Variants in MBOAT2 observed in about 807,000 individuals in gnomAD.
MBOAT2 encodes the protein membrane-bound glycerophospholipid O-acyltransferase 2.
Under a neutral mutation model 63.4 loss-of-function variants are expected in MBOAT2, and 28 were observed. The observed-to-expected ratio is 0.44, with a 90% CI of 0.33 to 0.61. MBOAT2 has a LOEUF of 0.61. MBOAT2 is among the 20% of genes least tolerant of loss of function. The pLI, the probability that MBOAT2 is intolerant of heterozygous loss-of-function variation, is 0.03. For synonymous variants in MBOAT2, 211 were observed against 215.6 expected, an observed-to-expected ratio of 0.98 and a Z score of 0.19; for missense variants, 470 against 605.8, an observed-to-expected ratio of 0.78 and a Z score of 2.35.
rs993564179 is a variant in MBOAT2, at chr2:8,858,787, C to T, written c.1455G>A (p.Lys485=). The T allele has an allele frequency of 4.3e-6, 7 of 1,614,006 alleles. No homozygotes were observed. The highest frequency in any genetic ancestry group is 1.7e-5 in the Admixed American group (1 of 60,004). The change falls in exon 13 of 13, where the codon AAG becomes AAA. Residue 485 remains lysine, a synonymous_variant. Coordinates refer to ENST00000305997, the MANE Select transcript of MBOAT2 (RefSeq NM_138799.4). The part of the protein sequence containing the change: ...HENIQLSQSK[K]FDEGENSLGQ... ...CCAAAGAATTTTCTCCTTCATCAAA[C>T]TTTTTGGATTGTGAGAGCTGAATGT...
intron 3 of MBOAT2, among the ~76,000 whole-genome samples, chr2:8,912,366 A>G (rs2148594086): frequency 1.1e-5 from 1 of 94,306 alleles, no homozygotes; most frequent in South Asian, 3.4e-4. Flanking sequence ...AGAAAGAAAG[A>G]AAGAAAGAGA....
chr2:8,931,801 C>T (rs957722496), intron 3 of MBOAT2, among the ~76,000 whole-genome samples: 2 of 152,082 alleles, frequency 1.3e-5, no homozygotes, highest in East Asian at 1.9e-4. Context: ...ATTTTTTGCA[C>T]ATGGCTAGCC....
At chr2:8,895,198 G>T (rs1436962083) in intron 4 of MBOAT2, among the ~76,000 whole-genome samples, 2 of 152,196 alleles carry the variant, frequency 1.3e-5, no homozygotes, top group Admixed American at 6.5e-5. Flanking sequence ...CCCTTATTTG[G>T]CCCCACCCAC....
At chr2:8,989,473 A>T (rs1052486483) in intron 1 of MBOAT2, among the ~76,000 whole-genome samples, 3 of 152,212 alleles carry the variant, frequency 2.0e-5, no homozygotes, top group Non-Finnish European at 2.9e-5. Context: ...GCAAAACTCT[A>T]GAGAGGACAA....
Position 8,908,706 on chromosome 2 carries a change from C to T in MBOAT2, c.310G>A (p.Val104Met). 2 of 1,606,386 alleles carry T rather than the reference C, an allele frequency of 1.2e-6. No homozygotes were observed. The highest frequency in any genetic ancestry group is 1.7e-6 in the Non-Finnish European group (2 of 1,174,776). ...GVENMHNYCF[V>M]FALGYLTVCQ... ...ACTGTGAGGTATCCCAGAGCAAACA[C>T]AAAGCAGTAACTGCAAAACAAAAAT... The change falls in exon 4 of 13, where the codon GTG becomes ATG. Residue 104 changes from valine to methionine, a missense_variant. Around this residue, in one of 3 missense-constraint regions of MBOAT2, gnomAD observed 376 missense variants for 503.8 expected, o/e 0.75. Transcript: ENST00000305997.
At chr2:8,984,405 A>C (rs1671410225) in intron 1 of MBOAT2, among the ~76,000 whole-genome samples, 1 of 152,238 alleles carries the variant, frequency 6.6e-6, no homozygotes, top group Admixed American at 6.5e-5. Flanking sequence ...TACCACATAC[A>C]TACATACGTT....
intron 4 of MBOAT2, among the ~76,000 whole-genome samples, chr2:8,896,034 G>A (rs183983680): frequency 8.6e-5 from 13 of 152,030 alleles, no homozygotes; most frequent in African/African-American, 2.4e-4. Context: ...TCAGAAGATC[G>A]AGACCATCCT....
chr2:8,995,760 T>C (rs1314479338), intron 1 of MBOAT2, among the ~76,000 whole-genome samples: 2 of 152,034 alleles, frequency 1.3e-5, no homozygotes, highest in Non-Finnish European at 2.9e-5. Context: ...CCGGCCTAAT[T>C]TTTTGTAGTT....
chr2:8,987,900 TTTTTA>T (rs1195265090), intron 1 of MBOAT2, among the ~76,000 whole-genome samples: 3 of 152,188 alleles, frequency 2.0e-5, no homozygotes, highest in Non-Finnish European at 2.9e-5. Context: ...TATTTATACT[TTTTTA>T]TTTTATAAGT....
intron 5 of MBOAT2, among the ~76,000 whole-genome samples, chr2:8,886,814 C>T (rs998050932): frequency 1.1e-4 from 16 of 152,158 alleles, no homozygotes; most frequent in African/African-American, 2.2e-4. Context: ...TCCAGTGTCA[C>T]AGGAGTAATC....
intron 3 of MBOAT2, among the ~76,000 whole-genome samples, chr2:8,938,758 GCCGTGTTTCATGCCA>G (rs1667848430): frequency 1.3e-5 from 2 of 151,584 alleles, no homozygotes; most frequent in South Asian, 2.1e-4. Flanking sequence ...CACATTTCAT[GCCGTGTTTCATGCCA>G]CCGTGTTTCA....
intron 3 of MBOAT2, among the ~76,000 whole-genome samples, chr2:8,914,999 C>T (rs73157428): frequency 0.15 from 18,842 of 127,434 alleles, 2,778 homozygotes; most frequent in African/African-American, 0.4. Flanking sequence ...AGTGCAGTGG[C>T]GCAATCTCGG....
chr2:8,858,245 T>G lies in MBOAT2; in HGVS notation c.*434A>C, dbSNP rs1275311629. The G allele has an allele frequency of 1.3e-5, 2 of 157,532 alleles. No homozygotes were observed. The highest frequency in any genetic ancestry group is 2.8e-5 in the Non-Finnish European group (2 of 71,006). 9.8% of individuals were successfully genotyped at this position (157,532 alleles called of 1,614,324 possible). ...TACTGCAGTAGCGTTCTCACAATAT[T>G]ACACTTGAAAATACCATTTAGGAAC... On this transcript the variant is annotated 3_prime_UTR_variant, in exon 13 of 13. Coordinates refer to ENST00000305997, the MANE Select transcript of MBOAT2 (RefSeq NM_138799.4).
chr2:8,961,569 T>C (rs1262197141), intron 1 of MBOAT2, among the ~76,000 whole-genome samples: 1 of 151,852 alleles, frequency 6.6e-6, no homozygotes, highest in Admixed American at 6.6e-5. Context: ...AGAAGCAGCA[T>C]TTCCATTTCC....
At chr2:8,872,317 G>A (rs182172518) in intron 8 of MBOAT2, among the ~76,000 whole-genome samples, 133 of 152,180 alleles carry the variant, frequency 8.7e-4, no homozygotes, top group African/African-American at 2.9e-3. Flanking sequence ...TCACTCTGTC[G>A]CTCAGGCTGC....
In MBOAT2 at chr2:8,961,829, C is replaced by G. The variant is rs189458089; in HGVS notation, c.76-3187G>C. Among the ~76,000 whole-genome samples the G allele has an allele frequency of 2.6e-5, 4 of 152,274 alleles. No individual in the cohort carries two copies. In the East Asian group the frequency reaches 7.7e-4, roughly 29 times the overall value. On this transcript the variant is annotated intron_variant, in intron 1 of 12. Transcript: ENST00000305997. ...GCATCATCTGCAGCACACTTGATAC[C>G]CATCACCAGGCTCATGCCAAGGCCA...
intron 1 of MBOAT2, among the ~76,000 whole-genome samples, chr2:8,987,486 A>G (rs1013171428): frequency 2.6e-5 from 4 of 152,250 alleles, no homozygotes; most frequent in African/African-American, 9.6e-5. Flanking sequence ...ATGATTGCCA[A>G]ATGAAAACTC....
chr2:8,974,377 G>C (rs1341154311), intron 1 of MBOAT2: 14 of 456,272 alleles, frequency 3.1e-5, no homozygotes. Context: ...TGTGGACTCT[G>C]CCAGGTACGT....
intron 1 of MBOAT2, among the ~76,000 whole-genome samples, chr2:8,973,425 G>A (rs1034660537): frequency 1.3e-5 from 2 of 151,598 alleles, no homozygotes; most frequent in Non-Finnish European, 2.9e-5. Flanking sequence ...TGTAAATGCC[G>A]AGTTAATGGG....
Sources: gnomAD v4.1 joint callset for allele counts (sites outside exome capture counted in the v4.1 genomes callset) on GRCh38, gnomAD v4.1.1 for gene constraint, gnomAD v4.1.1 regional missense constraint, MANE v1.5 for transcripts, NCBI Gene and HGNC (gene_info 2026-07-23, HGNC 2026-07-21) for gene names.